Variants in IL15 observed in about 807,000 individuals in gnomAD.
The protein encoded by IL15 is interleukin-15.
A neutral mutation model predicts 19.6 loss-of-function variants in IL15; 11 were observed. The observed-to-expected ratio is 0.56, with a 90% CI of 0.35 to 0.93. The LOEUF is 0.93. Among genes scored for constraint, IL15 ranks in the 40% least tolerant of loss-of-function variants. The probability of loss-of-function intolerance (pLI) is 0.01; values close to 1 mark genes in which losing one functional copy is unlikely to be tolerated. For synonymous variants in IL15, 58 were observed against 59.6 expected (o/e 0.97, Z 0.12); for missense variants, 197 against 186.5 (o/e 1.06, Z -0.33).
At chr4:141,708,154 T>C (rs1729588547) in intron 2 of IL15, among the ~76,000 whole-genome samples, 1 of 152,194 alleles carries the variant, frequency 6.6e-6, no homozygotes, top group African/African-American at 2.4e-5. Context: ...CACAGGTATG[T>C]GTTGGTAACA....
intron 2 of IL15, among the ~76,000 whole-genome samples, chr4:141,675,679 G>A (rs1728318248): frequency 6.6e-6 from 1 of 152,084 alleles, no homozygotes; most frequent in Non-Finnish European, 1.5e-5. Context: ...AGAAAAAGTT[G>A]GATTGCTTGA....
intron 2 of IL15, among the ~76,000 whole-genome samples, chr4:141,670,199 A>C (rs1282728065): frequency 6.6e-6 from 1 of 152,052 alleles, no homozygotes; most frequent in African/African-American, 2.4e-5. Context: ...AAATTAATGC[A>C]AAATAATGTT....
At chr4:141,729,642 T>C (rs1342140526) in intron 6 of IL15, among the ~76,000 whole-genome samples, 1 of 152,144 alleles carries the variant, frequency 6.6e-6, no homozygotes, top group African/African-American at 2.4e-5. Context: ...TTGCCATCCT[T>C]CTTGATTGTG....
chr4:141,700,116 A>G (rs2152181285), intron 2 of IL15, among the ~76,000 whole-genome samples: 1 of 152,060 alleles, frequency 6.6e-6, no homozygotes, highest in African/African-American at 2.4e-5. Flanking sequence ...ATAGGGTGTC[A>G]CCATGTTGGC....
rs539393496 is a variant in IL15, at chr4:141,699,681, T to A, written c.-99-19685T>A. ...TTTGTTTCCACTTGCATGGAATATC[T>A]TTTTCCACCTGTTTCCCTTAAGTTT... On this transcript the variant is annotated intron_variant, in intron 2 of 7. Coordinates refer to ENST00000320650, the MANE Select transcript of IL15 (RefSeq NM_000585.5). 2.3e-4 allele frequency among the ~76,000 whole-genome samples: 35 copies of A among 152,308 alleles called. No homozygotes were observed. The South Asian group carries it at 6.2e-3, about 27-fold the overall frequency.
chr4:141,693,970 T>C (rs1729009385), intron 2 of IL15, among the ~76,000 whole-genome samples: 1 of 152,228 alleles, frequency 6.6e-6, no homozygotes, highest in South Asian at 2.1e-4. Flanking sequence ...CTGATATGAA[T>C]GATCCAGCAG....
At chr4:141,649,902 A>C (rs1373750198) in intron 1 of IL15, among the ~76,000 whole-genome samples, 1 of 152,154 alleles carries the variant, frequency 6.6e-6, no homozygotes, top group African/African-American at 2.4e-5. Flanking sequence ...ATATCTATGA[A>C]AAATCTATAG....
chr4:141,665,049 GT>G (rs1164903708), intron 2 of IL15, among the ~76,000 whole-genome samples: 3 of 151,490 alleles, frequency 2.0e-5, no homozygotes, highest in Admixed American at 1.3e-4. Flanking sequence ...TTGTTTTGTT[GT>G]TTTTTTAACC....
chr4:141,666,335 A>G (rs1379198473), intron 2 of IL15, among the ~76,000 whole-genome samples: 1 of 151,596 alleles, frequency 6.6e-6, no homozygotes, highest in African/African-American at 2.4e-5. Flanking sequence ...AGGTCAGGAG[A>G]TCGCTCCCCA....
intron 1 of IL15, among the ~76,000 whole-genome samples, chr4:141,640,725 C>T (rs907780787): frequency 1.3e-5 from 2 of 152,128 alleles, no homozygotes; most frequent in Admixed American, 1.3e-4. Flanking sequence ...AGTGTTTCAT[C>T]CCACTGCAGG....
At chr4:141,683,647 T>C (rs967327838) in intron 2 of IL15, among the ~76,000 whole-genome samples, 1 of 152,126 alleles carries the variant, frequency 6.6e-6, no homozygotes, top group African/African-American at 2.4e-5. Context: ...GTAACTGCAC[T>C]GTGCGAACCT....
intron 2 of IL15, among the ~76,000 whole-genome samples, chr4:141,705,401 T>C (rs191675040): frequency 1.8e-4 from 27 of 152,042 alleles, no homozygotes; most frequent in African/African-American, 5.3e-4. Context: ...AGTTTTTATT[T>C]TAGTATTGAT....
chr4:141,717,058 A>T (rs2087849), intron 2 of IL15: 113,586 of 152,014 alleles, frequency 0.75, 42,694 homozygotes, highest in East Asian at 0.99. Context: ...GGATGAAGTC[A>T]CACCCATATT....
At chr4:141,647,494 G>C (rs1180746317) in intron 1 of IL15, among the ~76,000 whole-genome samples, 1 of 152,012 alleles carries the variant, frequency 6.6e-6, no homozygotes, top group East Asian at 1.9e-4. Flanking sequence ...ATTTCCCCAG[G>C]AGGCAAATGT....
At chr4:141,683,338 A>G (rs1217375366) in intron 2 of IL15, among the ~76,000 whole-genome samples, 1 of 152,028 alleles carries the variant, frequency 6.6e-6, no homozygotes, top group Non-Finnish European at 1.5e-5. Context: ...TGGAAGGGCA[A>G]GGTGGGTGGA....
chr4:141,721,314 C>G, intron 4 of IL15: 1 of 638,688 alleles, frequency 1.6e-6, no homozygotes, highest in Non-Finnish European at 2.8e-6. Flanking sequence ...TGTATTTTGT[C>G]TGGATATTAA....
intron 2 of IL15, chr4:141,715,304 G>A (rs1234303044): frequency 6.6e-6 from 1 of 152,256 alleles, no homozygotes; most frequent in African/African-American, 2.4e-5. Flanking sequence ...TCATTCCACT[G>A]GCTTCTTTTC....
intron 5 of IL15, among the ~76,000 whole-genome samples, chr4:141,724,119 G>T (rs1470667626): frequency 6.6e-6 from 1 of 151,996 alleles, no homozygotes; most frequent in Non-Finnish European, 1.5e-5. Flanking sequence ...TGCAGAATTT[G>T]TTCTCAAACC....
chr4:141,676,661 G>C (rs893155462), intron 2 of IL15, among the ~76,000 whole-genome samples: 9 of 152,082 alleles, frequency 5.9e-5, no homozygotes, highest in African/African-American at 1.7e-4. Flanking sequence ...AAGGCCATTA[G>C]CCCAAAGCAA....
Sources: gnomAD v4.1 joint callset for allele counts (sites outside exome capture counted in the v4.1 genomes callset) on GRCh38, gnomAD v4.1.1 for gene constraint, MANE v1.5 for transcripts, NCBI Gene and HGNC (gene_info 2026-07-23, HGNC 2026-07-21) for gene names.